Variants in CERT1 observed in about 807,000 individuals in gnomAD.
CERT1 encodes ceramide transporter 1.
A neutral mutation model predicts 87.9 loss-of-function variants in CERT1; 31 were observed. The observed-to-expected ratio is 0.35, with a 90% CI of 0.27 to 0.48. The LOEUF is 0.48. CERT1 is among the 20% of genes least tolerant of loss of function. CERT1 has a pLI of 0.99. For missense variants in CERT1, 487 were observed against 758.0 expected (o/e 0.64, Z 4.20); for synonymous variants, 289 against 250.9 (o/e 1.15, Z -1.44).
At chr5:75,424,358 G>A (rs1763511394) in intron 5 of CERT1, among the ~76,000 whole-genome samples, 1 of 152,062 alleles carries the variant, frequency 6.6e-6, no homozygotes, top group African/African-American at 2.4e-5. Context: ...GAGGCGGGCA[G>A]ATCATGAGGT....
At chr5:75,390,809 C>T (rs1380909038) in intron 11 of CERT1, among the ~76,000 whole-genome samples, 1 of 151,936 alleles carries the variant, frequency 6.6e-6, no homozygotes, top group Non-Finnish European at 1.5e-5. Flanking sequence ...TAATCAACTT[C>T]CCCCCTACCC....
intron 3 of CERT1, among the ~76,000 whole-genome samples, chr5:75,449,211 C>T (rs1350941465): frequency 6.6e-6 from 1 of 151,844 alleles, no homozygotes; most frequent in Non-Finnish European, 1.5e-5. Context: ...AATCAAAAGA[C>T]AGAAAAATGA....
intron 2 of CERT1, among the ~76,000 whole-genome samples, chr5:75,480,554 A>G (rs1437703002): frequency 6.6e-6 from 1 of 152,246 alleles, no homozygotes; most frequent in Non-Finnish European, 1.5e-5. Context: ...ATATACGCAT[A>G]CGTGTGCATG....
At chr5:75,468,934 A>G (rs1325923131) in intron 2 of CERT1, among the ~76,000 whole-genome samples, 1 of 152,228 alleles carries the variant, frequency 6.6e-6, no homozygotes, top group Admixed American at 6.5e-5. Flanking sequence ...TGACCTTATC[A>G]AACAGACAAA....
At chr5:75,484,128 G>A (rs1766389629) in intron 2 of CERT1, among the ~76,000 whole-genome samples, 1 of 151,998 alleles carries the variant, frequency 6.6e-6, no homozygotes, top group Admixed American at 6.6e-5. Flanking sequence ...CTGTTTCTTA[G>A]TTTGTTTCTT....
At chr5:75,374,024 T>C (rs1761183651), downstream of CERT1, 2 of 398,564 alleles carry the variant, frequency 5.0e-6, no homozygotes, top group East Asian at 7.1e-5. Flanking sequence ...AGATAGCTAG[T>C]GTTAGATGTT....
At chr5:75,448,826 G>A (rs1764659575) in intron 3 of CERT1, among the ~76,000 whole-genome samples, 3 of 152,048 alleles carry the variant, frequency 2.0e-5, no homozygotes. Flanking sequence ...AATATCTTCT[G>A]TAAGAATTAT....
rs1767985438 is a variant in CERT1 at position 75,511,372 on chromosome 5, G to A, written c.-165C>T. The A allele has an allele frequency of 1.3e-6, 2 of 1,546,192 alleles. No homozygotes were observed. ...GACGAAGTCCGCCCGCCGCGCCGCC[G>A]CCGCGCCTGACACCGAGCGGAGCGA... is the stretch of plus-strand genomic sequence containing the variant. On this transcript the variant is annotated 5_prime_UTR_variant, in exon 1 of 17. Coordinates refer to ENST00000643780, the MANE Select transcript of CERT1 (RefSeq NM_001379029.1).
chr5:75,377,044 T>C (rs1580685075), downstream of CERT1: 2 of 152,350 alleles, frequency 1.3e-5, no homozygotes, highest in African/African-American at 2.4e-5. Flanking sequence ...TGCTTACCAT[T>C]TGTGTATCAC....
In CERT1 at chr5:75,404,066, G is replaced by A. The variant is rs144358795; in HGVS notation, c.931-1008C>T. ...TTAAAATATATAAAATAAGACACAT[G>A]AACAATTGGTGAAATCTTCCCAGTT... On this transcript the variant is annotated intron_variant, in intron 8 of 16. Coordinates refer to ENST00000643780, the MANE Select transcript of CERT1 (RefSeq NM_001379029.1). Among the ~76,000 whole-genome samples, 316 of 152,156 alleles carry A rather than the reference G, an allele frequency of 2.1e-3. 1 individual carries two copies. In the East Asian group the frequency reaches 0.027, roughly 13 times the overall value.
intron 12 of CERT1, among the ~76,000 whole-genome samples, chr5:75,388,585 G>T (rs1761893274): frequency 9.0e-6 from 1 of 110,860 alleles, no homozygotes; most frequent in Non-Finnish European, 1.9e-5. Flanking sequence ...ATGGAGCCAA[G>T]TATAGCATGC....
chr5:75,495,161 A>G (rs1238545631), intron 2 of CERT1, among the ~76,000 whole-genome samples: 2 of 152,224 alleles, frequency 1.3e-5, no homozygotes, highest in African/African-American at 4.8e-5. Flanking sequence ...TTAGAGGGAA[A>G]GTATATTTTT....
intron 2 of CERT1, among the ~76,000 whole-genome samples, chr5:75,489,572 C>T (rs773610297): frequency 7.2e-5 from 11 of 151,924 alleles, no homozygotes; most frequent in Non-Finnish European, 1.0e-4. Flanking sequence ...AAAAAATGGA[C>T]GATGGATATG....
At chr5:75,400,959 C>T (rs1762447295) in intron 9 of CERT1, 1 of 152,192 alleles carries the variant, frequency 6.6e-6, no homozygotes, top group African/African-American at 2.4e-5. Flanking sequence ...GTAACGTAAA[C>T]TCAAACATGT....
chr5:75,391,235 A>C (rs982172517), intron 11 of CERT1, among the ~76,000 whole-genome samples: 1 of 152,168 alleles, frequency 6.6e-6, no homozygotes, highest in Non-Finnish European at 1.5e-5. Flanking sequence ...TTAAAAAAGA[A>C]ACTCACTCTG....
intron 2 of CERT1, among the ~76,000 whole-genome samples, chr5:75,490,352 CCT>C (rs1198445746): frequency 2.6e-5 from 4 of 152,064 alleles, no homozygotes; most frequent in Non-Finnish European, 4.4e-5. Flanking sequence ...TAATAAAAAA[CCT>C]TTTTTTCTTC....
At chr5:75,434,627 T>TGG (rs1764013030) in intron 3 of CERT1, among the ~76,000 whole-genome samples, 1 of 151,934 alleles carries the variant, frequency 6.6e-6, no homozygotes, top group Non-Finnish European at 1.5e-5. Flanking sequence ...CCACGGCTTT[T>TGG]TCTGATTGGT....
Position 75,378,405 on chromosome 5 carries a change from A to C in CERT1, c.*941T>G, listed in dbSNP as rs1454239291. ...ACTGCACTCCAGCCTGGGCAGCAAG[A>C]GAGAAACTTTGTCTCAACAACACCA... On this transcript the variant is annotated 3_prime_UTR_variant, in exon 17 of 17. Transcript: ENST00000643780. 2.6e-5 allele frequency: 4 copies of C among 152,214 alleles called. No individual in the cohort carries two copies. Among genetic ancestry groups the C allele is most frequent in the Non-Finnish European group, 5.9e-5 (4 of 68,082 alleles). The allele number at this position is 152,214 out of a possible 1,614,324, so 9.4% of individuals were successfully genotyped here.
downstream of CERT1, chr5:75,374,782 C>T (rs1191476366): frequency 9.2e-6 from 5 of 545,492 alleles, no homozygotes; most frequent in Non-Finnish European, 1.8e-5. Flanking sequence ...CGGGTGCTGC[C>T]CCATGACCCC....
Sources: gnomAD v4.1 joint callset for allele counts (sites outside exome capture counted in the v4.1 genomes callset) on GRCh38, gnomAD v4.1.1 for gene constraint, MANE v1.5 for transcripts, NCBI Gene and HGNC (gene_info 2026-07-23, HGNC 2026-07-21) for gene names.